Variants in SAMD12 observed in about 807,000 individuals in gnomAD.
SAMD12 encodes sterile alpha motif domain containing 12.
A neutral mutation model predicts 15.0 loss-of-function variants in SAMD12; 9 were observed. The observed-to-expected ratio is 0.60, with a 90% CI of 0.36 to 1.05. The LOEUF (loss-of-function observed/expected upper bound fraction) is 1.05. Among genes scored for constraint, SAMD12 ranks in the 50% least tolerant of loss-of-function variants. The pLI is 0.01. For synonymous variants in SAMD12, 86 were observed against 90.1 expected, an observed-to-expected ratio of 0.96 and a Z score of 0.25; for missense variants, 230 against 234.2, an observed-to-expected ratio of 0.98 and a Z score of 0.12.
chr8:118,554,763 C>G (rs1341111378), intron 2 of SAMD12, among the ~76,000 whole-genome samples: 2 of 151,924 alleles, frequency 1.3e-5, no homozygotes, highest in African/African-American at 4.8e-5. Context: ...GGGTCTCGCC[C>G]AATCAGTTGA....
chr8:118,507,285 C>T (rs571911740), intron 2 of SAMD12, among the ~76,000 whole-genome samples: 40 of 152,140 alleles, frequency 2.6e-4, no homozygotes, highest in South Asian at 6.2e-4. Context: ...GCCTCCTCTG[C>T]GTTAGAGTGA....
intron 3 of SAMD12, among the ~76,000 whole-genome samples, chr8:118,407,709 C>T (rs1821202903): frequency 6.6e-6 from 1 of 152,136 alleles, no homozygotes; most frequent in Non-Finnish European, 1.5e-5. Context: ...TTTCCCATTG[C>T]TGCTTCCAGA....
At chr8:118,559,166 T>C (rs562676698) in intron 2 of SAMD12, among the ~76,000 whole-genome samples, 6 of 152,300 alleles carry the variant, frequency 3.9e-5, no homozygotes, top group South Asian at 4.1e-4. Flanking sequence ...CTGGAGTGCA[T>C]AGGAAGACAG....
chr8:118,198,521 T>C (rs1030848905), intron 4 of SAMD12, among the ~76,000 whole-genome samples: 2 of 152,002 alleles, frequency 1.3e-5, no homozygotes, highest in African/African-American at 4.8e-5. Context: ...TACACAAAAC[T>C]ATCAGACAAT....
Position 118,575,437 on chromosome 8 carries a change from C to G in SAMD12, c.192+5278G>C, listed in dbSNP as rs1827123227. The stretch of plus-strand genomic sequence containing the variant: ...TGGCCAGATTCTCAGTGTAACAGAC[C>G]ATATTTTCTTTTCAAATAAATAGAT... On this transcript the variant is annotated intron_variant, in intron 2 of 3. Coordinates refer to ENST00000314727, the MANE Select transcript of SAMD12 (RefSeq NM_207506.3). Among the ~76,000 whole-genome samples the G allele has an allele frequency of 2.0e-5, 3 of 152,080 alleles. No homozygotes were observed. In the South Asian group the frequency reaches 6.2e-4, roughly 32 times the overall value.
At chr8:118,574,113 A>T (rs1325243216) in intron 2 of SAMD12, among the ~76,000 whole-genome samples, 1 of 152,206 alleles carries the variant, frequency 6.6e-6, no homozygotes, top group Admixed American at 6.5e-5. Context: ...GACCTAAATG[A>T]CAAGGAACTA....
chr8:118,258,458 T>C (rs1235773162), intron 4 of SAMD12, among the ~76,000 whole-genome samples: 1 of 126,306 alleles, frequency 7.9e-6, no homozygotes, highest in East Asian at 1.9e-4. Flanking sequence ...ACAATTATTG[T>C]TATTATTTGA....
rs58076997 is a variant in SAMD12, at chr8:118,302,078, G to GTTTTTTTTTTTTTTTTTTTTTTTTTTT, written c.433+77481_433+77482insAAAAAAAAAAAAAAAAAAAAAAAAAAA. 2.7e-4 allele frequency among the ~76,000 whole-genome samples: 20 copies of GTTTTTTTTTTTTTTTTTTTTTTTTTTT among 74,690 alleles called. 2 individuals carry two copies. Among genetic ancestry groups the GTTTTTTTTTTTTTTTTTTTTTTTTTTT allele is most frequent in the African/African-American group, 1.0e-3 (15 of 14,296 alleles). The allele number at this position is 74,690 out of a possible 152,430, so 49.0% of individuals were successfully genotyped here. A position where few individuals can be genotyped will look rare whatever the true frequency, so the allele number is the denominator to read the frequency against. Reference sequence around the variant, plus strand: ...ATTTTCTAGCGCCAGATCTTTGAGAGTTTTTTTTTTTTTTTTTTTTTTTTT... The same window carrying GTTTTTTTTTTTTTTTTTTTTTTTTTTT: ...ATTTTCTAGCGCCAGATCTTTGAGAGTTTTTTTTTTTTTTTTTTTTTTTTTTTTTTTTTTTTTTTTTTTTTTTTTTTT... On this transcript the variant is annotated intron_variant, in intron 4 of 4. Transcript: ENST00000409003.
At chr8:118,320,711 A>G (rs944288341) in intron 4 of SAMD12, among the ~76,000 whole-genome samples, 10 of 151,128 alleles carry the variant, frequency 6.6e-5, no homozygotes, top group Non-Finnish European at 1.2e-4. Flanking sequence ...AGATATACCT[A>G]ACGTAAATGA....
Position 118,580,867 on chromosome 8 carries a change from C to T in SAMD12, c.40G>A (p.Gly14Ser), listed in dbSNP as rs1304967359. 1.2e-6 allele frequency: 2 copies of T among 1,611,834 alleles called. No individual in the cohort carries two copies. Among genetic ancestry groups the T allele is most frequent in the African/African-American group, 1.3e-5 (1 of 74,722 alleles). The stretch of plus-strand genomic sequence containing the variant: ...TCAGCATGGGCAGGGTGATCAATAC[C>T]CCGTGGATTCAAACCACAGTGGAGA... The part of the protein sequence containing the change: ...EALHCGLNPR[G>S]IDHPAHAEGI... The change falls in exon 2 of 4, where the codon GGT becomes AGT. Residue 14 changes from glycine (G) to serine (S), a missense_variant. Transcript: ENST00000314727.
At chr8:118,318,308 G>GTATA (rs1554630246) in intron 4 of SAMD12, among the ~76,000 whole-genome samples, 2 of 57,528 alleles carry the variant, frequency 3.5e-5, no homozygotes, top group African/African-American at 9.0e-5. Context: ...GGAGATATAT[G>GTATA]TGTATATATA....
At chr8:118,164,975 ATGTGTGTG>A in the SAMD12 span, among the ~76,000 whole-genome samples, 2 of 144,122 alleles carry the variant, frequency 1.4e-5, no homozygotes, top group African/African-American at 5.1e-5. Flanking sequence ...CTGACACTAG[ATGTGTGTG>A]TGTGTGTGTG....
At chr8:118,351,061 TGA>T (rs1817940937) in intron 4 of SAMD12, among the ~76,000 whole-genome samples, 1 of 152,232 alleles carries the variant, frequency 6.6e-6, no homozygotes, top group Admixed American at 6.5e-5. Context: ...ACGTGGGACA[TGA>T]GTCTCCAAAA....
the SAMD12 span, among the ~76,000 whole-genome samples, chr8:118,134,606 C>T: frequency 6.6e-6 from 1 of 152,148 alleles, no homozygotes; most frequent in Non-Finnish European, 1.5e-5. Flanking sequence ...GAGGGTCCAG[C>T]AATGGAGTCC....
At chr8:118,528,460 T>A (rs998726500) in intron 2 of SAMD12, among the ~76,000 whole-genome samples, 1 of 152,276 alleles carries the variant, frequency 6.6e-6, no homozygotes, top group Non-Finnish European at 1.5e-5. Context: ...CTGGTCCACA[T>A]GTTTTTTAAA....
chr8:118,312,959 T>C (rs900649231), intron 4 of SAMD12, among the ~76,000 whole-genome samples: 1 of 152,150 alleles, frequency 6.6e-6, no homozygotes, highest in Non-Finnish European at 1.5e-5. Flanking sequence ...CTAAGGAATC[T>C]TGTCCTTTCT....
intron 2 of SAMD12, among the ~76,000 whole-genome samples, chr8:118,527,140 C>G (rs1825557009): frequency 6.6e-6 from 1 of 152,178 alleles, no homozygotes; most frequent in Admixed American, 6.5e-5. Context: ...CTGTCACTGG[C>G]TTGAGGCCAC....
exon 5 of SAMD12, chr8:118,195,067 C>T (rs1478609689): frequency 6.6e-6 from 1 of 152,104 alleles, no homozygotes; most frequent in African/African-American, 2.4e-5. Context: ...CTCCTAGGTC[C>T]CTCTTCACCC....
At chr8:118,317,062 A>T (rs1815955169) in intron 4 of SAMD12, among the ~76,000 whole-genome samples, 1 of 152,176 alleles carries the variant, frequency 6.6e-6, no homozygotes, top group South Asian at 2.1e-4. Flanking sequence ...GGACACAGAC[A>T]TGCACAGAGG....
Sources: gnomAD v4.1 joint callset for allele counts (sites outside exome capture counted in the v4.1 genomes callset) on GRCh38, gnomAD v4.1.1 for gene constraint, MANE v1.5 for transcripts, NCBI Gene and HGNC (gene_info 2026-07-23, HGNC 2026-07-21) for gene names.